ADARB2: variants seen among roughly 807,000 people sequenced by gnomAD.
ADARB2 encodes the protein adenosine deaminase RNA specific B2 (inactive).
In ADARB2, 25 loss-of-function variants were observed where a neutral mutation model predicts 62.2. The ratio of observed to expected loss-of-function variants is 0.40; its 90% CI spans 0.29 to 0.56. The LOEUF (loss-of-function observed/expected upper bound fraction) is 0.56, where lower values mean the gene tolerates loss of function less well. ADARB2 is among the 20% of genes least tolerant of loss of function. The pLI is 0.43. For synonymous variants in ADARB2, 572 were observed against 500.8 expected (o/e 1.14, Z -1.90); for missense variants, 1,071 against 1,077.4 (o/e 0.99, Z 0.08).
Position 1,327,510 on chromosome 10 carries a change from C to T in ADARB2, c.1077+35518G>A, listed in dbSNP as rs1306726198. 5.3e-4 allele frequency among the ~76,000 whole-genome samples: 36 copies of T among 68,318 alleles called. 2 individuals are homozygous for T. Among genetic ancestry groups the T allele is most frequent in the African/African-American group, 2.1e-3 (34 of 16,468 alleles). The allele number at this position is 68,318 out of a possible 152,430, so 44.8% of individuals were successfully genotyped here. A position where few individuals can be genotyped will look rare whatever the true frequency, so the allele number is the denominator to read the frequency against. ...TGCACAGCGCCTCCTCACTGCCCAG[C>T]GCCTCCCCATGGCACAGCGCCTCCT... On this transcript the variant is annotated intron_variant, in intron 3 of 9. Transcript: ENST00000381312.
At chr10:1,621,278 C>CATATTTTTTTCCCT (rs1329722103) in intron 1 of ADARB2, among the ~76,000 whole-genome samples, 6 of 152,210 alleles carry the variant, frequency 3.9e-5, no homozygotes, top group Middle Eastern at 3.4e-3. Context: ...GATTGCAGGA[C>CATATTTTTTTCCCT]ATATGATTAG....
intron 1 of ADARB2, among the ~76,000 whole-genome samples, chr10:1,481,745 T>C (rs552109799): frequency 2.0e-5 from 3 of 151,624 alleles, no homozygotes; most frequent in East Asian, 1.9e-4. Flanking sequence ...TAATCCCAGC[T>C]ACTCAGGAGG....
chr10:1,435,720 C>G (rs1016191862), intron 1 of ADARB2, among the ~76,000 whole-genome samples: 2 of 152,208 alleles, frequency 1.3e-5, no homozygotes, highest in Non-Finnish European at 2.9e-5. Context: ...AGCTCGGGTC[C>G]TGTCTTGTCC....
At chr10:1,616,940 C>T (rs1833644242) in intron 1 of ADARB2, among the ~76,000 whole-genome samples, 1 of 150,564 alleles carries the variant, frequency 6.6e-6, no homozygotes, top group African/African-American at 2.4e-5. Flanking sequence ...CACTCCGCAC[C>T]ACCCTGCTGT....
intron 1 of ADARB2, among the ~76,000 whole-genome samples, chr10:1,467,614 G>T (rs1480303933): frequency 6.6e-6 from 1 of 152,286 alleles, no homozygotes; most frequent in East Asian, 1.9e-4. Context: ...ACTGTGCCCA[G>T]CAAAACCAGC....
At chr10:1,616,920 C>T (rs7072693) in intron 1 of ADARB2, among the ~76,000 whole-genome samples, 4,166 of 79,528 alleles carry the variant, frequency 0.052, 3 homozygotes, top group African/African-American at 0.16. Context: ...TTTGTGTGCC[C>T]GTCCAGACAC....
At position 1,451,263 on chromosome 10, in the gene ADARB2, G is replaced by A. The variant is rs530150859; in HGVS notation, c.101-72103C>T. ...CGATACAGGTGAAAGTGCCCTCCCAGTATGGGAAAGACGGCAGAGTATTCA... is the reference window on the plus strand; with the variant it reads ...CGATACAGGTGAAAGTGCCCTCCCAATATGGGAAAGACGGCAGAGTATTCA... On this transcript the variant is annotated intron_variant, in intron 1 of 9. Transcript: ENST00000381312. Among the ~76,000 whole-genome samples, 7 of 152,356 alleles carry A rather than the reference G, an allele frequency of 4.6e-5. No homozygotes were observed. The East Asian group carries it at 7.7e-4, about 17-fold the overall frequency.
chr10:1,525,840 T>C (rs1449594169), intron 1 of ADARB2, among the ~76,000 whole-genome samples: 1 of 152,038 alleles, frequency 6.6e-6, no homozygotes, highest in Non-Finnish European at 1.5e-5. Context: ...TGTATGTTCA[T>C]GTGCTTGTGT....
intron 3 of ADARB2, among the ~76,000 whole-genome samples, chr10:1,297,602 A>G (rs1194812235): frequency 6.6e-6 from 1 of 152,040 alleles, no homozygotes; most frequent in African/African-American, 2.4e-5. Flanking sequence ...CCCCCTCTGA[A>G]CCCCTCTTCC....
At chr10:1,394,573 G>A (rs1175882814) in intron 1 of ADARB2, among the ~76,000 whole-genome samples, 1 of 152,228 alleles carries the variant, frequency 6.6e-6, no homozygotes, top group Non-Finnish European at 1.5e-5. Context: ...AGGCCCAGGA[G>A]GGGAGAGGGA....
At chr10:1,223,853 A>G (rs1332706887) in intron 6 of ADARB2, among the ~76,000 whole-genome samples, 2 of 152,214 alleles carry the variant, frequency 1.3e-5, no homozygotes, top group East Asian at 1.9e-4. Flanking sequence ...TTTTGCATCA[A>G]TGCTCATCAA....
chr10:1,422,315 A>G (rs1037284589), intron 1 of ADARB2, among the ~76,000 whole-genome samples: 7 of 152,166 alleles, frequency 4.6e-5, no homozygotes, highest in African/African-American at 9.7e-5. Context: ...GATTCGGTAA[A>G]TTTATTTACA....
At chr10:1,479,994 G>A (rs1831446811) in intron 1 of ADARB2, among the ~76,000 whole-genome samples, 1 of 152,014 alleles carries the variant, frequency 6.6e-6, no homozygotes, top group South Asian at 2.1e-4. Flanking sequence ...GGAAGGAGCT[G>A]TCTTTAAAAA....
At chr10:1,505,436 A>T (rs1445733454) in intron 1 of ADARB2, among the ~76,000 whole-genome samples, 1 of 151,684 alleles carries the variant, frequency 6.6e-6, no homozygotes, top group East Asian at 1.9e-4. Context: ...TTTCCAGGGA[A>T]GTTTTATGGT....
intron 6 of ADARB2, among the ~76,000 whole-genome samples, chr10:1,232,952 CAT>C (rs1199272762): frequency 8.6e-5 from 13 of 151,882 alleles, no homozygotes; most frequent in African/African-American, 1.2e-4. Flanking sequence ...GTGGTATATA[CAT>C]ATATGTGTGT....
At chr10:1,290,870 C>T (rs945370264) in intron 3 of ADARB2, 2 of 152,162 alleles carry the variant, frequency 1.3e-5, no homozygotes, top group African/African-American at 4.8e-5. Flanking sequence ...ATGCATATTT[C>T]TGTTTTTTTG....
At chr10:1,504,263 C>A (rs368556851) in intron 1 of ADARB2, among the ~76,000 whole-genome samples, 1 of 152,234 alleles carries the variant, frequency 6.6e-6, no homozygotes, top group Non-Finnish European at 1.5e-5. Flanking sequence ...CGGGCATGCT[C>A]TGTCCCAGGC....
chr10:1,250,055 G>A (rs535459622), intron 4 of ADARB2, among the ~76,000 whole-genome samples: 2 of 148,722 alleles, frequency 1.3e-5, no homozygotes, highest in African/African-American at 4.8e-5. Context: ...CCTATTGAAG[G>A]ACACAACAAA....
chr10:1,429,759 T>C (rs1830761054), intron 1 of ADARB2, among the ~76,000 whole-genome samples: 1 of 152,236 alleles, frequency 6.6e-6, no homozygotes, highest in Non-Finnish European at 1.5e-5. Flanking sequence ...TTAGGAATCC[T>C]GCTAAAGATT....
Sources: gnomAD v4.1 joint callset for allele counts (sites outside exome capture counted in the v4.1 genomes callset) on GRCh38, gnomAD v4.1.1 for gene constraint, MANE v1.5 for transcripts, NCBI Gene and HGNC (gene_info 2026-07-23, HGNC 2026-07-21) for gene names.